Variants in PRELID2 observed in about 807,000 individuals in gnomAD.
The protein encoded by PRELID2 is PRELI domain containing 2, also known as PRELI domain-containing protein 2.
A neutral mutation model predicts 28.4 loss-of-function variants in PRELID2; 25 were observed. That is an observed-to-expected ratio of 0.88 (90% CI 0.64 to 1.23). PRELID2 has a LOEUF of 1.23. PRELID2 is among the 50% of genes most tolerant of loss of function. PRELID2 has a pLI of 0.00. For synonymous variants in PRELID2, 76 were observed against 71.6 expected (o/e 1.06, Z -0.31); for missense variants, 201 against 214.4 (o/e 0.94, Z 0.39).
chr5:145,716,739 T>A (rs1427304899), intron 1 of PRELID2, among the ~76,000 whole-genome samples: 1 of 152,206 alleles, frequency 6.6e-6, no homozygotes, highest in African/African-American at 2.4e-5. Context: ...AAGATCTGAA[T>A]ATTTTTGTAA....
intron 1 of PRELID2, among the ~76,000 whole-genome samples, chr5:145,678,831 A>G (rs778464073): frequency 3.9e-5 from 6 of 152,238 alleles, no homozygotes; most frequent in Non-Finnish European, 8.8e-5. Context: ...AATTATATGT[A>G]GAAAAGAGCA....
chr5:145,752,258 G>A (rs139279880), downstream of PRELID2, among the ~76,000 whole-genome samples: 1 of 152,280 alleles, frequency 6.6e-6, no homozygotes, highest in African/African-American at 2.4e-5. Context: ...CATAGCACTT[G>A]ACAGAACAAT....
chr5:145,389,904 C>A, the PRELID2 span, among the ~76,000 whole-genome samples: 1 of 152,082 alleles, frequency 6.6e-6, no homozygotes, highest in Non-Finnish European at 1.5e-5. Flanking sequence ...CTTAAAATTA[C>A]CCAAGTAAAC....
chr5:145,675,649 G>A (rs1754799442), intron 1 of PRELID2, among the ~76,000 whole-genome samples: 1 of 151,554 alleles, frequency 6.6e-6, no homozygotes, highest in Admixed American at 6.6e-5. Context: ...TTAGTGGTCT[G>A]CAAACCACAG....
the PRELID2 span, among the ~76,000 whole-genome samples, chr5:145,246,526 A>T: frequency 6.6e-6 from 1 of 152,082 alleles, no homozygotes; most frequent in Non-Finnish European, 1.5e-5. Context: ...TCTCTGGGGA[A>T]AGGCAATTAT....
In PRELID2 at chr5:145,585,379, A is replaced by G. The variant is rs115589220; in HGVS notation, n.71-112064T>C. On this transcript the variant is annotated intron_variant and non_coding_transcript_variant, in intron 1 of 2. Coordinates refer to the PRELID2 transcript ENST00000510259. ...GATGGGATGATCTGTACAGCAAACC[A>G]TCATGGCACATGTTTACCTATGTAA... Among the ~76,000 whole-genome samples the G allele has an allele frequency of 5.0e-3, 768 of 152,298 alleles. 8 individuals carry two copies. The highest frequency in any genetic ancestry group is 0.018 in the African/African-American group (731 of 41,584).
At chr5:145,800,127 A>G (rs1753031323) in intron 4 of PRELID2, among the ~76,000 whole-genome samples, 1 of 152,164 alleles carries the variant, frequency 6.6e-6, no homozygotes, top group African/African-American at 2.4e-5. Flanking sequence ...ATCAAAAAAA[A>G]TCTGAGAAAA....
At chr5:145,811,460 T>G (rs1460988738) in intron 4 of PRELID2, among the ~76,000 whole-genome samples, 8 of 152,062 alleles carry the variant, frequency 5.3e-5, no homozygotes, top group Non-Finnish European at 5.9e-5. Flanking sequence ...GCTAATTATT[T>G]TATTATTTGT....
intron 1 of PRELID2, among the ~76,000 whole-genome samples, chr5:145,609,537 T>C (rs1172275851): frequency 6.6e-6 from 1 of 152,228 alleles, no homozygotes; most frequent in Non-Finnish European, 1.5e-5. Context: ...TAATCCGCTG[T>C]CTGAGTGCTT....
the PRELID2 span, among the ~76,000 whole-genome samples, chr5:145,314,158 G>C: frequency 3.3e-5 from 5 of 152,224 alleles, no homozygotes; most frequent in Admixed American, 6.5e-5. Context: ...GAGATGTCTA[G>C]ATAGTTACTT....
the PRELID2 span, among the ~76,000 whole-genome samples, chr5:145,307,604 T>C: frequency 1.3e-5 from 2 of 152,024 alleles, no homozygotes; most frequent in Non-Finnish European, 2.9e-5. Flanking sequence ...CCAACAAAAG[T>C]GTACATTAGC....
chr5:145,547,872 G>A (rs1370939126), intron 1 of PRELID2, among the ~76,000 whole-genome samples: 2 of 152,160 alleles, frequency 1.3e-5, no homozygotes, highest in African/African-American at 4.8e-5. Context: ...CAAATGCAAT[G>A]TTCTTTTCTT....
chr5:145,331,407 G>C, the PRELID2 span, among the ~76,000 whole-genome samples: 9 of 152,128 alleles, frequency 5.9e-5, no homozygotes, highest in Non-Finnish European at 1.0e-4. Flanking sequence ...GGGAGTCTAA[G>C]TCTCTTTGTA....
At chr5:145,806,651 C>G (rs948296991) in intron 4 of PRELID2, among the ~76,000 whole-genome samples, 1 of 152,164 alleles carries the variant, frequency 6.6e-6, no homozygotes, top group African/African-American at 2.4e-5. Flanking sequence ...CTCTGTGTCC[C>G]CACCAAATCT....
chr5:145,558,190 AGTT>A (rs373888913), intron 1 of PRELID2, among the ~76,000 whole-genome samples: 1 of 152,208 alleles, frequency 6.6e-6, no homozygotes, highest in African/African-American at 2.4e-5. Context: ...TGGCTCATAA[AGTT>A]GTTTAAAAGA....
the PRELID2 span, among the ~76,000 whole-genome samples, chr5:145,266,475 A>C: frequency 6.6e-6 from 1 of 152,186 alleles, no homozygotes; most frequent in Non-Finnish European, 1.5e-5. Context: ...AATGCAAATC[A>C]AAACCACCAT....
chr5:145,325,090 C>G, the PRELID2 span, among the ~76,000 whole-genome samples: 1 of 145,926 alleles, frequency 6.9e-6, no homozygotes, highest in African/African-American at 2.6e-5. Flanking sequence ...ATTAAAGTTT[C>G]TTATAAGCAA....
chr5:145,262,747 C>G, the PRELID2 span, among the ~76,000 whole-genome samples: 1 of 151,890 alleles, frequency 6.6e-6, no homozygotes, highest in Non-Finnish European at 1.5e-5. Flanking sequence ...AAGGATAAAT[C>G]TCACAGGATC....
intron 5 of PRELID2, among the ~76,000 whole-genome samples, chr5:145,773,857 A>G (rs1758251750): frequency 6.6e-6 from 1 of 152,258 alleles, no homozygotes; most frequent in African/African-American, 2.4e-5. Context: ...ATTGTCTTTA[A>G]CAGAATAAAT....
Sources: allele counts gnomAD v4.1 joint callset (sites outside exome capture counted in the v4.1 genomes callset), GRCh38; gene constraint gnomAD v4.1.1; transcripts MANE v1.5; gene names NCBI Gene and HGNC (gene_info 2026-07-23, HGNC 2026-07-21).